Variants in TENM2 observed in about 807,000 individuals in gnomAD.
TENM2 encodes teneurin-2.
In TENM2, 52 loss-of-function variants were observed where a neutral mutation model predicts 245.2. That is an observed-to-expected ratio of 0.21 (90% confidence interval 0.17 to 0.27). TENM2 has a LOEUF of 0.27. Ranked by LOEUF, TENM2 falls within the 10% of genes least tolerant of loss-of-function variation. TENM2 has a pLI of 1.00. For synonymous variants in TENM2, 1,363 were observed against 1,438.9 expected, an observed-to-expected ratio of 0.95 and a Z score of 1.19; for missense variants, 3,046 against 3,666.8, an observed-to-expected ratio of 0.83 and a Z score of 4.37.
the TENM2 span, among the ~76,000 whole-genome samples, chr5:167,180,457 C>T: frequency 2.6e-5 from 4 of 152,102 alleles, no homozygotes; most frequent in African/African-American, 9.7e-5. Flanking sequence ...GAAAGTGCCG[C>T]CGCCTGACCT....
At chr5:167,945,321 C>CGG (rs148552714) in intron 3 of TENM2, among the ~76,000 whole-genome samples, 3,626 of 151,218 alleles carry the variant, frequency 0.024, 65 homozygotes, top group East Asian at 0.083. Context: ...ATCAAGCACC[C>CGG]GGGGGGGGCA....
intron 4 of TENM2, among the ~76,000 whole-genome samples, chr5:167,984,691 A>G (rs1583570652): frequency 6.6e-6 from 1 of 152,278 alleles, no homozygotes; most frequent in Non-Finnish European, 1.5e-5. Flanking sequence ...TTTTTTTGTA[A>G]TGTGTGCATG....
chr5:167,069,540 T>C, the TENM2 span, among the ~76,000 whole-genome samples: 1 of 152,158 alleles, frequency 6.6e-6, no homozygotes, highest in Non-Finnish European at 1.5e-5. Context: ...GGACCCAGAT[T>C]AACTGGCATC....
intron 2 of TENM2, among the ~76,000 whole-genome samples, chr5:167,817,987 A>G (rs13190289): frequency 6.6e-6 from 1 of 152,164 alleles, no homozygotes; most frequent in African/African-American, 2.4e-5. Flanking sequence ...GGATGTATAG[A>G]TAAGAAGGAT....
At chr5:167,596,139 G>T (rs1776193197) in intron 2 of TENM2, among the ~76,000 whole-genome samples, 1 of 152,102 alleles carries the variant, frequency 6.6e-6, no homozygotes, top group Non-Finnish European at 1.5e-5. Context: ...AACAACTATT[G>T]GGGGTGCGAC....
At chr5:167,926,271 G>A (rs1412635075) in intron 3 of TENM2, among the ~76,000 whole-genome samples, 1 of 152,078 alleles carries the variant, frequency 6.6e-6, no homozygotes, top group Non-Finnish European at 1.5e-5. Context: ...TATAAATTTT[G>A]TTGAATTCCT....
chr5:167,736,129 G>A (rs142631005), intron 2 of TENM2, among the ~76,000 whole-genome samples: 2,639 of 152,224 alleles, frequency 0.017, 59 homozygotes, highest in African/African-American at 0.056. Flanking sequence ...GGAAGGAGAA[G>A]CAAACACGTC....
chr5:167,361,679 G>GT (rs2127267442), intron 1 of TENM2, among the ~76,000 whole-genome samples: 1 of 152,296 alleles, frequency 6.6e-6, no homozygotes, highest in Admixed American at 6.5e-5. Context: ...ATTTAACTCT[G>GT]TCAACAGTTT....
chr5:167,725,558 A>T (rs372321443), intron 2 of TENM2, among the ~76,000 whole-genome samples: 44 of 152,296 alleles, frequency 2.9e-4, no homozygotes, highest in African/African-American at 9.9e-4. Context: ...TAATGCATTT[A>T]CTTATTTTCA....
At chr5:167,474,849 C>G (rs985916801) in intron 2 of TENM2, among the ~76,000 whole-genome samples, 1 of 152,148 alleles carries the variant, frequency 6.6e-6, no homozygotes, top group African/African-American at 2.4e-5. Context: ...TATTGGCATG[C>G]TTATTTGAAA....
chr5:167,175,416 T>G, the TENM2 span, among the ~76,000 whole-genome samples: 3 of 152,266 alleles, frequency 2.0e-5, no homozygotes, highest in African/African-American at 7.2e-5. Flanking sequence ...GTAACTTATG[T>G]GATTGAAAAG....
At chr5:167,569,927 A>G (rs1353735970) in intron 2 of TENM2, among the ~76,000 whole-genome samples, 1 of 152,160 alleles carries the variant, frequency 6.6e-6, no homozygotes, top group Admixed American at 6.5e-5. Flanking sequence ...ATTATGATAC[A>G]TCCGAGAGCA....
intron 19 of TENM2, among the ~76,000 whole-genome samples, chr5:168,208,374 G>C (rs1277989694): frequency 2.0e-5 from 3 of 152,134 alleles, no homozygotes; most frequent in East Asian, 3.8e-4. Context: ...GGTGCTTTCA[G>C]CATGGAGTCA....
At chr5:167,888,407 A>G (rs766246344) in intron 3 of TENM2, among the ~76,000 whole-genome samples, 32 of 152,310 alleles carry the variant, frequency 2.1e-4, no homozygotes, top group Non-Finnish European at 4.3e-4. Context: ...GTGAATTAAC[A>G]AATAGTGCAT....
chr5:167,773,292 C>T (rs1027193829), intron 2 of TENM2, among the ~76,000 whole-genome samples: 1 of 152,152 alleles, frequency 6.6e-6, no homozygotes, highest in African/African-American at 2.4e-5. Context: ...GAGAGTAAAT[C>T]AGATGCAAAC....
intron 5 of TENM2, among the ~76,000 whole-genome samples, chr5:168,017,137 C>A (rs569085361): frequency 1.3e-5 from 2 of 152,172 alleles, no homozygotes; most frequent in Non-Finnish European, 2.9e-5. Context: ...GACCACTCAT[C>A]ATTTCACCAA....
chr5:167,224,519 C>G, the TENM2 span, among the ~76,000 whole-genome samples: 30 of 151,918 alleles, frequency 2.0e-4, no homozygotes, highest in African/African-American at 6.8e-4. Flanking sequence ...CTTATTTCTG[C>G]ATTTTCTACT....
chr5:167,551,478 C>T (rs114918500), intron 2 of TENM2, among the ~76,000 whole-genome samples: 1,791 of 152,218 alleles, frequency 0.012, 20 homozygotes, highest in African/African-American at 0.026. Flanking sequence ...TAAAGAAGTA[C>T]ATAGTAACTG....
At chr5:167,491,595 C>A (rs1031459335) in intron 2 of TENM2, among the ~76,000 whole-genome samples, 3 of 152,104 alleles carry the variant, frequency 2.0e-5, no homozygotes, top group African/African-American at 4.8e-5. Context: ...AAAGGTTGTC[C>A]GCTGTTACCC....
Sources: gnomAD v4.1 joint callset for allele counts (sites outside exome capture counted in the v4.1 genomes callset) on GRCh38, gnomAD v4.1.1 for gene constraint, MANE v1.5 for transcripts, NCBI Gene and HGNC (gene_info 2026-07-23, HGNC 2026-07-21) for gene names.